SERINC2: variants seen among roughly 807,000 people sequenced by gnomAD.
SERINC2 encodes serine incorporator 2.
A neutral mutation model predicts 54.2 loss-of-function variants in SERINC2; 56 were observed. The observed-to-expected ratio is 1.03, with a 90% CI of 0.83 to 1.29. The LOEUF (loss-of-function observed/expected upper bound fraction) is 1.29. Among genes scored for constraint, SERINC2 ranks in the 50% most tolerant of loss-of-function variants. SERINC2 has a pLI of 0.00. For synonymous variants in SERINC2, 272 were observed against 253.1 expected (o/e 1.07, Z -0.71); for missense variants, 614 against 607.4 (o/e 1.01, Z -0.12).
rs1641296856 is a variant in SERINC2 at position 31,432,138 on chromosome 1, C to CAGGGTGGAT, written c.1014-821_1014-820insTAGGGTGGA. Reference sequence around the variant, plus strand: ...GGGTGGTTAGGGTGGATAGGGTGGACAGGGTGGACAGGGTGGACAGGGTGG... The same window carrying CAGGGTGGAT: ...GGGTGGTTAGGGTGGATAGGGTGGACAGGGTGGATAGGGTGGACAGGGTGGACAGGGTGG... On this transcript the variant is annotated intron_variant, in intron 8 of 9. Coordinates refer to ENST00000373709, the MANE Select transcript of SERINC2 (RefSeq NM_178865.5). 1.6e-3 allele frequency among the ~76,000 whole-genome samples: 9 copies of CAGGGTGGAT among 5,514 alleles called. 1 individual carries two copies. In the South Asian group the frequency reaches 0.023, roughly 14 times the overall value. 3.6% of individuals were successfully genotyped at this position (5,514 alleles called of 152,430 possible). A position where few individuals can be genotyped will look rare whatever the true frequency, so the allele number is the denominator to read the frequency against.
In SERINC2 at chr1:31,413,975, C is replaced by T. The variant is rs1553131837; in HGVS notation, c.39+671C>T. 1 of 1,529,176 alleles carries T rather than the reference C, an allele frequency of 6.5e-7. No individual in the cohort carries two copies. The highest frequency in any genetic ancestry group is 8.7e-7 in the Non-Finnish European group (1 of 1,144,364). The allele number at this position is 1,529,176 out of a possible 1,614,324, so 94.7% of individuals were successfully genotyped here. A position where few individuals can be genotyped will look rare whatever the true frequency, so the allele number is the denominator to read the frequency against. ...CGCTGCCTCTCAGGCACTTCCCCAG[C>T]TCGCCCCGGATCATCTGGGCCCCAG... On this transcript the variant is annotated intron_variant, in intron 1 of 9. Transcript: ENST00000373709. The surrounding 1 kb of genome is among the most constrained non-coding windows in gnomAD (Gnocchi z 5.0).
chr1:31,432,073 G>C (rs1167899395), intron 8 of SERINC2, among the ~76,000 whole-genome samples: 13 of 133,502 alleles, frequency 9.7e-5, no homozygotes, highest in South Asian at 2.6e-4. Context: ...GGACAGGGTG[G>C]ACAGGGTGGT....
At position 31,433,155 on chromosome 1, in the gene SERINC2, A is replaced by G. The variant is rs1296279814; in HGVS notation, c.1202A>G (p.His401Arg). 8.7e-6 allele frequency: 14 copies of G among 1,613,612 alleles called. No homozygotes were observed. Among genetic ancestry groups the G allele is most frequent in the Non-Finnish European group, 1.1e-5 (13 of 1,179,998 alleles). ...FHFCLVLASL[H>R]VMMTLTNWYK... is the part of the protein sequence containing the mutation. ...TTCTGCCTGGTGCTGGCCTCACTGC[A>G]CGTCATGATGACGCTCACCAACTGG... The change falls in exon 9 of 10, where the codon CAC (histidine) becomes CGC (arginine). Residue 401 changes from histidine to arginine, a missense_variant. Transcript: ENST00000373709.
chr1:31,428,925 G>C (rs1641115857), intron 6 of SERINC2, 53 bp from the exon 7 acceptor site: 1 of 1,434,964 alleles, frequency 7.0e-7, no homozygotes. Flanking sequence ...TGGGCTGGGT[G>C]GGGTGGGGTG....
chr1:31,416,573 G>A (rs1553132236), intron 1 of SERINC2, among the ~76,000 whole-genome samples: 2 of 152,218 alleles, frequency 1.3e-5, no homozygotes, highest in African/African-American at 2.4e-5. Flanking sequence ...AGCCAGTTAC[G>A]GAGTTGTTCA....
chr1:31,426,725 A>C lies in SERINC2; in HGVS notation c.682A>C (p.Thr228Pro), dbSNP rs781904424. ...CGTGGCGCTGATGTTCATGTACTAC[A>C]CTGAGCCCAGCGGCTGCCACGAGGG... Reference protein sequence around the residue: ...AAVALMFMYYTEPSGCHEGKV... With the variant: ...AAVALMFMYYPEPSGCHEGKV... The change falls in exon 6 of 10, where the codon ACT becomes CCT. Residue 228 changes from threonine (T) to proline (P), a missense_variant. By Grantham distance (38) the Thr-to-Pro change is conservative. Transcript: ENST00000373709. 1 of 1,613,946 alleles carries C rather than the reference A, an allele frequency of 6.2e-7. No individual in the cohort carries two copies. Among genetic ancestry groups the C allele is most frequent in the South Asian group, 1.1e-5 (1 of 91,082 alleles).
Position 31,425,769 on chromosome 1 carries a change from C to A in SERINC2, c.473-7C>A. 6.2e-7 allele frequency: 1 copy of A among 1,612,256 alleles called. No individual in the cohort carries two copies. The highest frequency in any genetic ancestry group is 1.1e-5 in the South Asian group (1 of 90,880). The stretch of plus-strand genomic sequence containing the variant: ...CCTCCTCGCCTCACTCCCCTCTCCC[C>A]ACCCAGTCTGGTTCTACTTCGGCGT... On this transcript the variant is annotated splice_polypyrimidine_tract_variant and splice_region_variant and intron_variant, in intron 4 of 9. Transcript: ENST00000373709.
chr1:31,410,183 T>C (rs905147665), upstream of SERINC2: 11 of 1,437,062 alleles, frequency 7.7e-6, no homozygotes, highest in African/African-American at 1.4e-5. Context: ...CAGTATCACA[T>C]AGCTGCTGAC....
chr1:31,434,328 C>A lies in SERINC2; in HGVS notation c.*129C>A. 2.0e-6 allele frequency: 2 copies of A among 979,336 alleles called. No individual in the cohort carries two copies. The highest frequency in any genetic ancestry group is 3.0e-6 in the Non-Finnish European group (2 of 657,980). 60.7% of individuals were successfully genotyped at this position (979,336 alleles called of 1,614,324 possible). On this transcript the variant is annotated 3_prime_UTR_variant, in exon 10 of 10. Transcript: ENST00000373709. ...CCCCACCCCTGCCCCAGCTCCAGGA[C>A]CTGCCCCTGAGCCGGGCCTTCTAGT...
rs782746447 is a variant in SERINC2, at chr1:31,432,986, C to T, written c.1033C>T (p.Arg345Trp). The T allele has an allele frequency of 3.7e-5, 60 of 1,611,398 alleles. No individual in the cohort carries two copies. The Admixed American group carries it at 6.9e-4, about 18-fold the overall frequency. ...CTGCAGTCTGCGCTCCTCAGACCAC[C>T]GGCAGGTGAACAGCCTGATGCAGAC... ...LFISLRSSDHRQVNSLMQTEE... is the reference protein window; with the variant it reads ...LFISLRSSDHWQVNSLMQTEE... Residue 345 changes from arginine (R) to tryptophan (W), a missense_variant, in exon 9 of 10, where the codon CGG (arginine) becomes TGG (tryptophan). By Grantham distance (101) the Arg-to-Trp change is moderately radical. Transcript: ENST00000373709.
At chr1:31,432,195 A>ATAGGGTGGTTAGG (rs1246443913) in intron 8 of SERINC2, among the ~76,000 whole-genome samples, 1 of 25,152 alleles carries the variant, frequency 4.0e-5, no homozygotes, top group African/African-American at 1.1e-4. Context: ...GGGTGGTTAG[A>ATAGGGTGGTTAGG]GTGGAGAGAG....
intron 1 of SERINC2, among the ~76,000 whole-genome samples, chr1:31,418,368 T>C (rs1235409335): frequency 6.6e-6 from 1 of 152,000 alleles, no homozygotes; most frequent in Non-Finnish European, 1.5e-5. Flanking sequence ...GAGGGCCACT[T>C]TATTTTATTT....
chr1:31,427,434 G>A (rs1641076000), intron 6 of SERINC2, among the ~76,000 whole-genome samples: 1 of 152,144 alleles, frequency 6.6e-6, no homozygotes, highest in African/African-American at 2.4e-5. Context: ...GGGGTCTTTA[G>A]CAGAAAGGCT....
intron 1 of SERINC2, among the ~76,000 whole-genome samples, chr1:31,421,316 C>T (rs562034980): frequency 6.6e-6 from 1 of 152,150 alleles, no homozygotes; most frequent in African/African-American, 2.4e-5. Context: ...GAAATTGGCT[C>T]CTGGTACCAG....
rs537233945 is a variant in SERINC2 at position 31,413,795 on chromosome 1, G to A, written c.39+491G>A. On this transcript the variant is annotated intron_variant, in intron 1 of 9. Coordinates refer to ENST00000373709, the MANE Select transcript of SERINC2 (RefSeq NM_178865.5). The surrounding 1 kb of genome is among the most constrained non-coding windows in gnomAD (Gnocchi z 5.0). ...CCAGTCCGCCTGTTCCTGTCGCTCGGGCTCCGCCTGTCCGTTCGTATTTGT... is the reference window on the plus strand; with the variant it reads ...CCAGTCCGCCTGTTCCTGTCGCTCGAGCTCCGCCTGTCCGTTCGTATTTGT... 9 of 1,386,016 alleles carry A rather than the reference G, an allele frequency of 6.5e-6. No homozygotes were observed. In the African/African-American group the frequency reaches 7.5e-5, roughly 12 times the overall value. 85.9% of individuals were successfully genotyped at this position (1,386,016 alleles called of 1,614,324 possible). A position where few individuals can be genotyped will look rare whatever the true frequency, so the allele number is the denominator to read the frequency against.
At position 31,433,200 on chromosome 1, in the gene SERINC2, G is replaced by A. The variant is rs2148534404; in HGVS notation, c.1232+15G>A. On this transcript the variant is annotated intron_variant, in intron 9 of 9. Transcript: ENST00000373709. ...AACTGGTACAAGTGCGTAGCTGGTG[G>A]GGCATGGACAGAGCCCGGAGGTGCA... is the stretch of plus-strand genomic sequence containing the variant. 1.9e-6 allele frequency: 3 copies of A among 1,609,390 alleles called. No individual in the cohort carries two copies. The highest frequency in any genetic ancestry group is 2.5e-6 in the Non-Finnish European group (3 of 1,176,510).
intron 8 of SERINC2, among the ~76,000 whole-genome samples, chr1:31,430,404 T>C (rs1332061937): frequency 2.0e-5 from 3 of 151,828 alleles, no homozygotes; most frequent in Non-Finnish European, 4.4e-5. Flanking sequence ...TGGCAAGTAG[T>C]AAGTTATTTG....
At position 31,413,489 on chromosome 1, in the gene SERINC2, T is replaced by TC. The variant is rs1480007383; in HGVS notation, c.39+190dup. ...CGGCACCCGGATCCCGCTGCCCCCG[T>TC]CCCCCTGCTCAGTCCTGGCCGGCAG... On this transcript the variant is annotated intron_variant, in intron 1 of 9. Coordinates refer to ENST00000373709, the MANE Select transcript of SERINC2 (RefSeq NM_178865.5). The surrounding 1 kb of genome is among the most constrained non-coding windows in gnomAD (Gnocchi z 5.0). Among the ~76,000 whole-genome samples the TC allele has an allele frequency of 6.6e-6, 1 of 151,752 alleles. No individual in the cohort carries two copies. Among genetic ancestry groups the TC allele is most frequent in the East Asian group, 1.9e-4 (1 of 5,138 alleles).
intron 1 of SERINC2, among the ~76,000 whole-genome samples, chr1:31,415,255 C>A (rs1019311347): frequency 1.3e-5 from 2 of 152,216 alleles, no homozygotes; most frequent in Non-Finnish European, 2.9e-5. Context: ...CAGGGCTGGT[C>A]CAGGGAAGAA....
Sources: gnomAD v4.1 joint callset for allele counts (sites outside exome capture counted in the v4.1 genomes callset) on GRCh38, gnomAD v4.1.1 for gene constraint, Gnocchi (gnomAD v3.1) non-coding constraint, MANE v1.5 for transcripts, NCBI Gene and HGNC (gene_info 2026-07-23, HGNC 2026-07-21) for gene names.